Variants in DPH6 observed in about 807,000 individuals in gnomAD.
DPH6 encodes the protein diphthamine biosynthesis 6.
A neutral mutation model predicts 38.2 loss-of-function variants in DPH6; 33 were observed. The ratio of observed to expected loss-of-function variants is 0.86; its 90% CI spans 0.65 to 1.15. The LOEUF is 1.15. Ranked by LOEUF, DPH6 falls within the 50% of genes most tolerant of loss-of-function variation. DPH6 has a pLI of 0.00. For synonymous variants in DPH6, 108 were observed against 103.0 expected (o/e 1.05, Z -0.30); for missense variants, 325 against 320.0 (o/e 1.02, Z -0.12).
At chr15:35,473,475 A>G (rs2141131257) in intron 3 of DPH6, among the ~76,000 whole-genome samples, 2 of 152,290 alleles carry the variant, frequency 1.3e-5, no homozygotes, top group Admixed American at 1.3e-4. Context: ...CCTCTTCAAA[A>G]AACTGCCCAA....
rs1230526537 is a variant in DPH6 at position 35,227,452 on chromosome 15, G to T, written n.201-6870C>A. On this transcript the variant is annotated intron_variant and non_coding_transcript_variant, in intron 3 of 3. Coordinates refer to the DPH6 transcript ENST00000560386. ...CCCATCTCGGCCTCCCAAAGTGCTG[G>T]GATTACAGGTGTGAGCCACCGTGCC... Among the ~76,000 whole-genome samples the T allele has an allele frequency of 2.0e-5, 3 of 151,682 alleles. No individual in the cohort carries two copies. In the East Asian group the frequency reaches 5.8e-4, roughly 29 times the overall value.
intron 3 of DPH6, among the ~76,000 whole-genome samples, chr15:35,500,240 A>T (rs1354201266): frequency 6.6e-6 from 1 of 152,180 alleles, no homozygotes; most frequent in Non-Finnish European, 1.5e-5. Flanking sequence ...CTCTCCTTTG[A>T]TCAGAAGCTT....
chr15:35,532,802 G>T (rs1213740430), intron 3 of DPH6, among the ~76,000 whole-genome samples: 1 of 151,782 alleles, frequency 6.6e-6, no homozygotes, highest in Non-Finnish European at 1.5e-5. Flanking sequence ...GAAGAGAGAA[G>T]AGATTAAAAA....
chr15:35,473,913 AGT>A (rs58549209), intron 3 of DPH6, among the ~76,000 whole-genome samples: 3,319 of 126,754 alleles, frequency 0.026, 67 homozygotes, highest in African/African-American at 0.054. Context: ...CACTGTGCAC[AGT>A]GTGTGTGTGT....
At chr15:35,166,101 A>T in the DPH6 span, among the ~76,000 whole-genome samples, 1 of 151,920 alleles carries the variant, frequency 6.6e-6, no homozygotes, top group Non-Finnish European at 1.5e-5. Flanking sequence ...AGCTGAAGGA[A>T]TTTGAGAAAC....
chr15:35,156,122 A>AT, the DPH6 span, among the ~76,000 whole-genome samples: 1 of 123,378 alleles, frequency 8.1e-6, no homozygotes, highest in African/African-American at 2.5e-5. Flanking sequence ...ACCATAATAC[A>AT]TTTTTCTCAT....
At chr15:35,336,319 G>T (rs986573533) in intron 3 of DPH6, among the ~76,000 whole-genome samples, 1 of 151,714 alleles carries the variant, frequency 6.6e-6, no homozygotes, top group South Asian at 2.1e-4. Context: ...ATCAGACGAA[G>T]ATTTGGTCTT....
At chr15:35,153,286 A>G in the DPH6 span, among the ~76,000 whole-genome samples, 1 of 152,324 alleles carries the variant, frequency 6.6e-6, no homozygotes, top group South Asian at 2.1e-4. Context: ...TTCTGCAACA[A>G]TGGACATAAA....
At chr15:35,423,091 CG>C (rs2053526100) in intron 5 of DPH6, among the ~76,000 whole-genome samples, 4 of 151,696 alleles carry the variant, frequency 2.6e-5, no homozygotes, top group Admixed American at 2.6e-4. Context: ...GTGTGATTGC[CG>C]GATCATACAG....
chr15:35,545,905 G>C (rs1378615723), intron 1 of DPH6, among the ~76,000 whole-genome samples: 1 of 152,228 alleles, frequency 6.6e-6, no homozygotes, highest in Non-Finnish European at 1.5e-5. Context: ...GAAGACCAGA[G>C]AGCGACAGAC....
At chr15:35,436,534 T>G in intron 5 of DPH6, among the ~76,000 whole-genome samples, 1 of 61,824 alleles carries the variant, frequency 1.6e-5, no homozygotes, top group African/African-American at 4.0e-5. Context: ...TCTCTCCCTG[T>G]TCGTCACTGC....
At chr15:35,488,622 T>A (rs2054435755) in intron 3 of DPH6, among the ~76,000 whole-genome samples, 1 of 150,668 alleles carries the variant, frequency 6.6e-6, no homozygotes. Flanking sequence ...AGGTCCCTCC[T>A]CTGACACATG....
In DPH6 at chr15:35,391,643, G is replaced by T. The variant is rs144107323; in HGVS notation, c.568-9727C>A. ...CGTGGGCGTAGGACCCTCCGAACCA[G>T]GTGTGGGATATAATCTCCTGGTGTG... On this transcript the variant is annotated intron_variant, in intron 6 of 8. Transcript: ENST00000256538. Among the ~76,000 whole-genome samples, 454 of 152,338 alleles carry T rather than the reference G, an allele frequency of 3.0e-3. 1 individual carries two copies. Among genetic ancestry groups the T allele is most frequent in the African/African-American group, 9.9e-3 (413 of 41,582 alleles).
intron 3 of DPH6, among the ~76,000 whole-genome samples, chr15:35,465,788 T>G (rs1210066719): frequency 6.6e-6 from 1 of 152,192 alleles, no homozygotes; most frequent in Non-Finnish European, 1.5e-5. Flanking sequence ...TTATCTCCCA[T>G]TGTGGGCTTT....
intron 3 of DPH6, among the ~76,000 whole-genome samples, chr15:35,313,380 T>A (rs1001770555): frequency 4.0e-5 from 6 of 151,896 alleles, no homozygotes; most frequent in African/African-American, 1.5e-4. Context: ...GTGAAGAACA[T>A]CCTTGGTATT....
downstream of DPH6, among the ~76,000 whole-genome samples, chr15:35,368,939 A>G (rs947043042): frequency 1.3e-5 from 2 of 151,838 alleles, no homozygotes; most frequent in African/African-American, 4.8e-5. Context: ...TGAAAAGTAA[A>G]CTTGCAGAAA....
the DPH6 span, among the ~76,000 whole-genome samples, chr15:35,145,089 CTAGAT>C: frequency 1.3e-5 from 2 of 152,058 alleles, no homozygotes; most frequent in African/African-American, 4.8e-5. Context: ...CTTTTCTTCT[CTAGAT>C]TATTGATTAA....
intron 3 of DPH6, among the ~76,000 whole-genome samples, chr15:35,273,367 T>C (rs2051836153): frequency 6.6e-6 from 1 of 152,186 alleles, no homozygotes; most frequent in African/African-American, 2.4e-5. Context: ...CGCCTTTGCA[T>C]CCTCATAGCT....
intron 3 of DPH6, 136 bp from the exon 4 acceptor site, chr15:35,454,956 T>G: frequency 1.8e-6 from 1 of 567,522 alleles, no homozygotes; most frequent in Middle Eastern, 4.1e-4. Flanking sequence ...GAAAATATAA[T>G]CGACATTCAG....
Sources: allele counts gnomAD v4.1 joint callset (sites outside exome capture counted in the v4.1 genomes callset), GRCh38; gene constraint gnomAD v4.1.1; transcripts MANE v1.5; gene names NCBI Gene and HGNC (gene_info 2026-07-23, HGNC 2026-07-21).